SLC2A14: variants seen among roughly 807,000 people sequenced by gnomAD.
The protein encoded by SLC2A14 is solute carrier family 2, facilitated glucose transporter member 14.
In SLC2A14, 13 loss-of-function variants were observed where a neutral mutation model predicts 43.0. The ratio of observed to expected loss-of-function variants is 0.30; its 90% confidence interval spans 0.20 to 0.48. The LOEUF (loss-of-function observed/expected upper bound fraction) is 0.48. Among genes scored for constraint, SLC2A14 ranks in the 20% least tolerant of loss-of-function variants. The pLI is 0.99. For synonymous variants in SLC2A14, 190 were observed against 233.8 expected (o/e 0.81, Z 1.71); for missense variants, 428 against 620.4 (o/e 0.69, Z 3.29).
In SLC2A14 at chr12:7,863,186, C is replaced by A. The variant is rs35889401; in HGVS notation, c.18+6677G>T. 1.6e-3 allele frequency among the ~76,000 whole-genome samples: 87 copies of A among 55,364 alleles called. 1 individual carries two copies. Among genetic ancestry groups the A allele is most frequent in the African/African-American group, 4.8e-3 (85 of 17,880 alleles). The allele number at this position is 55,364 out of a possible 152,430, so 36.3% of individuals were successfully genotyped here. A position where few individuals can be genotyped will look rare whatever the true frequency, so the allele number is the denominator to read the frequency against. ...GAGCCCAGCGAGACTACGAGGCCAC[C>A]GGAAGGAACGAACGACTCCTGACGC... On this transcript the variant is annotated intron_variant, in intron 2 of 10. Transcript: ENST00000431042.
intron 10 of SLC2A14, among the ~76,000 whole-genome samples, chr12:7,815,601 A>T (rs10845986): frequency 0.5 from 75,471 of 151,724 alleles, 19,616 homozygotes; most frequent in Non-Finnish European, 0.58. Context: ...TTTGAGACGG[A>T]GTTTCGCTCT....
intron 2 of SLC2A14, chr12:7,863,551 C>G (rs1944726618): frequency 2.7e-6 from 1 of 366,806 alleles, no homozygotes; most frequent in Non-Finnish European, 5.5e-6. Context: ...GAACCCAGGA[C>G]ACAGAGGTTG....
upstream of SLC2A14, among the ~76,000 whole-genome samples, chr12:7,876,738 A>T (rs1306863757): frequency 6.6e-6 from 1 of 152,020 alleles, no homozygotes; most frequent in Non-Finnish European, 1.5e-5. Context: ...ACTTAATGGG[A>T]CCTAAGCTCT....
chr12:7,838,755 G>T (rs928877164), intron 2 of SLC2A14, among the ~76,000 whole-genome samples: 1 of 152,220 alleles, frequency 6.6e-6, no homozygotes, highest in Admixed American at 6.5e-5. Context: ...AGAGGGCAAA[G>T]TGTTATGGAC....
At chr12:7,859,739 T>C (rs1390289742) in intron 2 of SLC2A14, among the ~76,000 whole-genome samples, 1 of 152,094 alleles carries the variant, frequency 6.6e-6, no homozygotes, top group Non-Finnish European at 1.5e-5. Context: ...TGGCATGCAC[T>C]GAAAAGAAGC....
chr12:7,862,064 GA>G (rs1267241299), intron 2 of SLC2A14, among the ~76,000 whole-genome samples: 1 of 151,450 alleles, frequency 6.6e-6, no homozygotes, highest in Non-Finnish European at 1.5e-5. Flanking sequence ...AGGAGTTTGA[GA>G]CCAGCTTGAC....
At chr12:7,876,280 C>CAAAAAAAAAAAAAAAA (rs59935166), upstream of SLC2A14, among the ~76,000 whole-genome samples, 47 of 68,206 alleles carry the variant, frequency 6.9e-4, 1 homozygote, top group Non-Finnish European at 9.3e-4. Flanking sequence ...AACTCCATCT[C>CAAAAAAAAAAAAAAAA]AAAAAAAAAA....
intron 1 of SLC2A14, among the ~76,000 whole-genome samples, chr12:7,888,947 C>T (rs1945733587): frequency 6.6e-6 from 1 of 152,076 alleles, no homozygotes. Flanking sequence ...ACCAATTTGA[C>T]ACTCCATCTC....
chr12:7,836,381 C>CACAAAAAAAA (rs1865463791), intron 2 of SLC2A14, among the ~76,000 whole-genome samples: 1 of 152,070 alleles, frequency 6.6e-6, no homozygotes, highest in Non-Finnish European at 1.5e-5. Context: ...CCACCACGCC[C>CACAAAAAAAA]AGCTAATTTT....
intron 2 of SLC2A14, among the ~76,000 whole-genome samples, chr12:7,862,133 G>T (rs1351472649): frequency 1.3e-5 from 2 of 150,084 alleles, no homozygotes; most frequent in Non-Finnish European, 3.0e-5. Context: ...GCATGGTCGC[G>T]CATGCCTGTA....
intron 2 of SLC2A14, among the ~76,000 whole-genome samples, chr12:7,845,890 G>C (rs1866428785): frequency 6.6e-6 from 1 of 151,712 alleles, no homozygotes; most frequent in African/African-American, 2.4e-5. Flanking sequence ...TGAGGAGTTT[G>C]AGACCAGTGG....
chr12:7,851,703 A>C (rs1465796077), intron 2 of SLC2A14, among the ~76,000 whole-genome samples: 1 of 152,176 alleles, frequency 6.6e-6, no homozygotes, highest in Admixed American at 6.6e-5. Flanking sequence ...ACAGTGACTT[A>C]GTTGTATCTG....
rs34332998 is a variant in SLC2A14, at chr12:7,844,543, C to CTTT, written c.19-11732_19-11730dup. On this transcript the variant is annotated intron_variant, in intron 2 of 10. Transcript: ENST00000431042. ...TTTTTTGCCAGTAAATAGTAAACTC[C>CTTT]TTTTTTTTTTTTAGACAGGGTCTCA... Among the ~76,000 whole-genome samples the CTTT allele has an allele frequency of 4.2e-4, 62 of 146,190 alleles. 1 individual carries two copies. Among genetic ancestry groups the CTTT allele is most frequent in the South Asian group, 1.3e-3 (6 of 4,636 alleles).
chr12:7,830,126 C>G (rs981228878), intron 4 of SLC2A14, 120 bp from the exon 5 acceptor site: 9 of 1,310,586 alleles, frequency 6.9e-6, no homozygotes, highest in Middle Eastern at 1.9e-4. Context: ...TTTGGTCTAA[C>G]TTTTCTTTTT....
At chr12:7,827,270 C>CT (rs71038780) in intron 7 of SLC2A14, among the ~76,000 whole-genome samples, 24,344 of 99,142 alleles carry the variant, frequency 0.25, 3,353 homozygotes, top group Non-Finnish European at 0.31. Context: ...TAATTTTTGT[C>CT]TTTTTTTTTT....
chr12:7,882,285 G>A (rs369422997), intron 1 of SLC2A14, among the ~76,000 whole-genome samples: 3 of 151,054 alleles, frequency 2.0e-5, no homozygotes, highest in East Asian at 1.9e-4. Context: ...TCACCGTGAA[G>A]GTCTGCAGGT....
chr12:7,838,842 G>T (rs1423048618), intron 2 of SLC2A14, among the ~76,000 whole-genome samples: 1 of 152,224 alleles, frequency 6.6e-6, no homozygotes, highest in Admixed American at 6.5e-5. Context: ...TGGAGATGGA[G>T]CCTTTAAGGA....
chr12:7,886,693 TGTTA>T (rs1945694332), intron 1 of SLC2A14, among the ~76,000 whole-genome samples: 1 of 152,034 alleles, frequency 6.6e-6, no homozygotes. Context: ...GAAGGAAGAC[TGTTA>T]GTTGTGAATT....
At chr12:7,825,489 C>A (rs11055981) in intron 7 of SLC2A14, among the ~76,000 whole-genome samples, 43,718 of 144,244 alleles carry the variant, frequency 0.3, 8,165 homozygotes, top group South Asian at 0.41. Flanking sequence ...GCAAGCCAGG[C>A]GCGGTGGCTC....
Sources: gnomAD v4.1 joint callset for allele counts (sites outside exome capture counted in the v4.1 genomes callset) on GRCh38, gnomAD v4.1.1 for gene constraint, MANE v1.5 for transcripts, NCBI Gene and HGNC (gene_info 2026-07-23, HGNC 2026-07-21) for gene names.